POLA1: variants seen among roughly 807,000 people sequenced by gnomAD.
POLA1 encodes the protein DNA polymerase alpha catalytic subunit.
POLA1 carries 15 observed loss-of-function variants against 124.0 expected under a neutral mutation model. That is an observed-to-expected ratio of 0.12 (90% CI 0.08 to 0.19). The LOEUF (loss-of-function observed/expected upper bound fraction) is 0.19, where lower values mean the gene tolerates loss of function less well. Among genes scored for constraint, POLA1 ranks in the 10% least tolerant of loss-of-function variants. POLA1 has a pLI of 1.00. For synonymous variants in POLA1, 408 were observed against 389.4 expected, an observed-to-expected ratio of 1.05 and a Z score of -0.56; for missense variants, 886 against 1,103.4, an observed-to-expected ratio of 0.80 and a Z score of 2.79.
At chrX:24,741,947 C>A in intron 21 of POLA1, 55 bp from the exon 22 acceptor site, 1 of 1,088,447 alleles carries the variant, frequency 9.2e-7, no homozygotes, top group Non-Finnish European at 1.2e-6. Context: ...CTCAAAGTTG[C>A]TTTTGTTAGT....
chrX:24,711,107 C>T (rs746995990), intron 4 of POLA1, among the ~76,000 whole-genome samples: 1 of 111,416 alleles, frequency 9.0e-6, no homozygotes, highest in South Asian at 3.8e-4. Flanking sequence ...CTCAGTGTCC[C>T]GAGTAGCCAG....
At chrX:24,810,017 A>G in intron 27 of POLA1, 87 bp downstream of exon 27, 1 of 561,569 alleles carries the variant, frequency 1.8e-6, no homozygotes, top group Non-Finnish European at 2.9e-6. Flanking sequence ...ACCCAAACAG[A>G]CTGGAAATTG....
intron 26 of POLA1, among the ~76,000 whole-genome samples, chrX:24,789,608 A>G (rs2045452653): frequency 9.0e-6 from 1 of 111,522 alleles, no homozygotes; most frequent in Non-Finnish European, 1.9e-5. Context: ...GAAAGCAAGT[A>G]GTCCCCTTTT....
At chrX:24,991,484 C>G (rs746522748) in intron 36 of POLA1, among the ~76,000 whole-genome samples, 3 of 112,584 alleles carry the variant, frequency 2.7e-5, no homozygotes, top group African/African-American at 9.7e-5. Flanking sequence ...CCTCCCTTCT[C>G]GCATCGGCCT....
At chrX:24,815,867 T>G (rs1418494318) in intron 30 of POLA1, among the ~76,000 whole-genome samples, 1 of 112,154 alleles carries the variant, frequency 8.9e-6, no homozygotes, top group Admixed American at 9.5e-5. Flanking sequence ...ATGCTTGTCA[T>G]TTTTGCACAT....
At chrX:24,794,378 T>A (rs964717058) in intron 26 of POLA1, among the ~76,000 whole-genome samples, 8 of 112,469 alleles carry the variant, frequency 7.1e-5, no homozygotes, top group African/African-American at 2.6e-4. Context: ...ACTATTCTCT[T>A]ATTCCATCTG....
At chrX:24,710,298 C>G (rs1395576810) in intron 4 of POLA1, among the ~76,000 whole-genome samples, 1 of 111,647 alleles carries the variant, frequency 9.0e-6, no homozygotes, top group African/African-American at 3.3e-5. Flanking sequence ...CCCCCAGAGC[C>G]TGACAACCAT....
intron 34 of POLA1, among the ~76,000 whole-genome samples, chrX:24,886,553 T>C (rs1052663865): frequency 1.8e-4 from 20 of 111,747 alleles, no homozygotes; most frequent in African/African-American, 6.2e-4. Context: ...AGTTTTGTTA[T>C]AGCTACTTCC....
chrX:24,803,311 G>A (rs1278501142), intron 26 of POLA1, among the ~76,000 whole-genome samples: 1 of 111,355 alleles, frequency 9.0e-6, no homozygotes, highest in African/African-American at 3.3e-5. Flanking sequence ...GCATATGTGT[G>A]TACTCATACT....
At chrX:24,984,154 A>C (rs1389898752) in intron 36 of POLA1, among the ~76,000 whole-genome samples, 1 of 112,554 alleles carries the variant, frequency 8.9e-6, no homozygotes, top group East Asian at 2.8e-4. Context: ...TTTGCAAATC[A>C]ATAAGACCCA....
chrX:24,753,020 A>G (rs1290297057), intron 26 of POLA1, among the ~76,000 whole-genome samples: 1 of 109,376 alleles, frequency 9.1e-6, no homozygotes, highest in Non-Finnish European at 1.9e-5. Flanking sequence ...TATTTTATTT[A>G]TTTATTTTTG....
intron 36 of POLA1, among the ~76,000 whole-genome samples, chrX:24,965,409 C>A (rs1406929203): frequency 1.8e-5 from 2 of 112,392 alleles, no homozygotes; most frequent in African/African-American, 6.5e-5. Flanking sequence ...CCTCACATAG[C>A]TCCTTGTATG....
At chrX:24,954,718 G>A (rs922206062) in intron 36 of POLA1, among the ~76,000 whole-genome samples, 2 of 112,244 alleles carry the variant, frequency 1.8e-5, no homozygotes, top group African/African-American at 6.5e-5. Context: ...GTCACATTTG[G>A]TGGTATTGTC....
intron 26 of POLA1, among the ~76,000 whole-genome samples, chrX:24,808,833 G>A (rs1188469013): frequency 8.9e-6 from 1 of 111,875 alleles, no homozygotes; most frequent in East Asian, 2.8e-4. Context: ...TGACAAGGAG[G>A]ACTATTGAAG....
chrX:24,925,623 A>AT (rs2147205338), intron 35 of POLA1, among the ~76,000 whole-genome samples: 1 of 112,570 alleles, frequency 8.9e-6, no homozygotes, highest in African/African-American at 3.2e-5. Context: ...AAAGCTGAAC[A>AT]TTTGCATGCC....
chrX:24,778,080 A>G (rs189056781), intron 26 of POLA1, among the ~76,000 whole-genome samples: 57 of 112,499 alleles, frequency 5.1e-4, no homozygotes, highest in Admixed American at 4.0e-3. Flanking sequence ...TTAAAGAGCA[A>G]AAAACTAAAG....
intron 34 of POLA1, among the ~76,000 whole-genome samples, chrX:24,869,649 G>T (rs1461545945): frequency 8.9e-6 from 1 of 112,199 alleles, no homozygotes; most frequent in East Asian, 2.8e-4. Context: ...CTGCTGCAAT[G>T]CATCAGACAC....
At chrX:24,843,714 T>C in intron 34 of POLA1, 37 bp downstream of exon 34, 1 of 1,006,027 alleles carries the variant, frequency 9.9e-7, no homozygotes. Context: ...ATACACAACT[T>C]ATTGAGGTTT....
intron 34 of POLA1, among the ~76,000 whole-genome samples, chrX:24,844,585 A>C (rs2046452458): frequency 8.9e-6 from 1 of 111,887 alleles, no homozygotes; most frequent in Admixed American, 9.5e-5. Context: ...TCTTCTTTAA[A>C]ATAGAACTCA....
Sources: allele counts gnomAD v4.1 joint callset (sites outside exome capture counted in the v4.1 genomes callset), GRCh38; gene constraint gnomAD v4.1.1; transcripts MANE v1.5; gene names NCBI Gene and HGNC (gene_info 2026-07-23, HGNC 2026-07-21).